The following ANKRD12 variants were observed in gnomAD, a reference collection of about 807,000 sequenced individuals.
ANKRD12 encodes the protein ankyrin repeat domain-containing protein 12.
A neutral mutation model predicts 183.4 loss-of-function variants in ANKRD12; 85 were observed. The observed-to-expected ratio is 0.46, with a 90% CI of 0.39 to 0.56. The LOEUF (loss-of-function observed/expected upper bound fraction) is 0.56. ANKRD12 is among the 20% of genes least tolerant of loss of function. The pLI, the probability that ANKRD12 is intolerant of heterozygous loss-of-function variation, is 0.00. For synonymous variants in ANKRD12, 914 were observed against 800.2 expected (o/e 1.14, Z -2.40); for missense variants, 2,405 against 2,357.1 (o/e 1.02, Z -0.42).
intron 2 of ANKRD12, among the ~76,000 whole-genome samples, chr18:9,183,544 A>G (rs2033845568): frequency 1.3e-5 from 2 of 152,224 alleles, no homozygotes; most frequent in African/African-American, 4.8e-5. Context: ...TAGTACAGAA[A>G]TATAATTGAT....
chr18:9,149,786 TTATTAAATTTTA>T (rs1195822050), intron 1 of ANKRD12, among the ~76,000 whole-genome samples: 1 of 144,950 alleles, frequency 6.9e-6, no homozygotes, highest in Non-Finnish European at 1.5e-5. Flanking sequence ...ATTTATTTAT[TTATTAAATTTTA>T]TTTTTTTTTT....
chr18:9,181,183 C>G (rs1261143838), intron 1 of ANKRD12, among the ~76,000 whole-genome samples: 4 of 152,018 alleles, frequency 2.6e-5, no homozygotes, highest in African/African-American at 9.7e-5. Context: ...AACCATTTTT[C>G]TTTGGTAGTT....
intron 1 of ANKRD12, among the ~76,000 whole-genome samples, chr18:9,140,337 T>A (rs1177519040): frequency 6.6e-6 from 1 of 152,228 alleles, no homozygotes; most frequent in African/African-American, 2.4e-5. Context: ...TGTTTTCATC[T>A]TCTGCTGTTT....
intron 8 of ANKRD12, among the ~76,000 whole-genome samples, chr18:9,232,706 C>A (rs940649820): frequency 6.6e-6 from 1 of 152,108 alleles, no homozygotes; most frequent in African/African-American, 2.4e-5. Flanking sequence ...GGTTTTTCAT[C>A]CCTTTTGTTC....
In ANKRD12 at chr18:9,257,493, G is replaced by A. The variant is rs761821634; in HGVS notation, c.4226G>A (p.Ser1409Asn). The change falls in exon 9 of 13, where the codon AGT becomes AAT. Residue 1409 changes from serine (S) to asparagine (N), a missense_variant. By Grantham distance (46) the Ser-to-Asn change is conservative. Transcript: ENST00000262126. ...MDSPVHLEPSSQVGVIQNKSW... is the reference protein window; with the variant it reads ...MDSPVHLEPSNQVGVIQNKSW... ...AGTCCAGTGCATTTAGAGCCATCTAGTCAGGTTGGTGTGATCCAGAATAAA... is the reference window on the plus strand; with the variant it reads ...AGTCCAGTGCATTTAGAGCCATCTAATCAGGTTGGTGTGATCCAGAATAAA... 18 of 1,614,104 alleles carry A rather than the reference G, an allele frequency of 1.1e-5. No homozygotes were observed. The highest frequency in any genetic ancestry group is 2.2e-5 in the South Asian group (2 of 91,082).
At chr18:9,215,468 C>T (rs546702719) in intron 6 of ANKRD12, among the ~76,000 whole-genome samples, 1 of 152,186 alleles carries the variant, frequency 6.6e-6, no homozygotes, top group Non-Finnish European at 1.5e-5. Context: ...TTAGTGTCCT[C>T]TGGCCTCCCA....
chr18:9,237,832 C>G (rs1239677299), intron 8 of ANKRD12, among the ~76,000 whole-genome samples: 1 of 152,122 alleles, frequency 6.6e-6, no homozygotes, highest in Non-Finnish European at 1.5e-5. Flanking sequence ...ATGGAAAGGT[C>G]AAAGTACAGT....
At chr18:9,236,451 A>G (rs1394957047) in intron 8 of ANKRD12, among the ~76,000 whole-genome samples, 3 of 152,224 alleles carry the variant, frequency 2.0e-5, no homozygotes, top group Non-Finnish European at 4.4e-5. Flanking sequence ...CAAGTACAGC[A>G]TAAAAATACT....
chr18:9,232,585 A>G (rs991660208), intron 8 of ANKRD12, among the ~76,000 whole-genome samples: 3 of 152,178 alleles, frequency 2.0e-5, no homozygotes, highest in East Asian at 1.9e-4. Context: ...CAGTTGGACT[A>G]TAATGTGCTG....
chr18:9,212,110 T>C (rs2035837085), intron 6 of ANKRD12, among the ~76,000 whole-genome samples: 1 of 152,124 alleles, frequency 6.6e-6, no homozygotes, highest in African/African-American at 2.4e-5. Context: ...ATAAGTATTT[T>C]AAGAACATTT....
chr18:9,265,523 T>C (rs1357701545), intron 10 of ANKRD12, among the ~76,000 whole-genome samples: 2 of 152,004 alleles, frequency 1.3e-5, no homozygotes, highest in African/African-American at 4.8e-5. Context: ...CGGTCTGGAG[T>C]GGGCCTCCAG....
chr18:9,233,136 G>A (rs1031356127), intron 8 of ANKRD12, among the ~76,000 whole-genome samples: 11 of 152,008 alleles, frequency 7.2e-5, no homozygotes, highest in African/African-American at 2.7e-4. Context: ...ACAGATGTGA[G>A]CCACTGTGCC....
At chr18:9,275,750 G>A (rs892279171) in intron 11 of ANKRD12, 83 bp downstream of exon 11, 24 of 1,305,608 alleles carry the variant, frequency 1.8e-5, no homozygotes, top group Non-Finnish European at 2.4e-5. Flanking sequence ...TCCATAGAAA[G>A]AACTTGAACT....
At chr18:9,162,680 A>G (rs914628596) in intron 1 of ANKRD12, among the ~76,000 whole-genome samples, 2 of 152,184 alleles carry the variant, frequency 1.3e-5, no homozygotes, top group African/African-American at 4.8e-5. Flanking sequence ...ACAGTGTAAA[A>G]GCATTTCTTT....
chr18:9,167,195 T>C (rs561539782), intron 1 of ANKRD12, among the ~76,000 whole-genome samples: 3 of 152,340 alleles, frequency 2.0e-5, no homozygotes, highest in East Asian at 3.9e-4. Context: ...GACTTGGCAA[T>C]GCGGGCTCTT....
chr18:9,137,530 G>A (rs2078155929), intron 1 of ANKRD12: 1 of 148,768 alleles, frequency 6.7e-6, no homozygotes, highest in Admixed American at 6.7e-5. Flanking sequence ...GCCGCCAGCC[G>A]CCGAGCGTGC....
intron 8 of ANKRD12, among the ~76,000 whole-genome samples, chr18:9,245,647 TCTC>T (rs2037920039): frequency 1.3e-5 from 2 of 152,200 alleles, no homozygotes; most frequent in South Asian, 4.1e-4. Flanking sequence ...TCAATTTTAA[TCTC>T]AGGTGAGTAT....
At chr18:9,247,061 GA>G (rs2145074613) in intron 8 of ANKRD12, among the ~76,000 whole-genome samples, 1 of 152,246 alleles carries the variant, frequency 6.6e-6, no homozygotes, top group East Asian at 1.9e-4. Context: ...CACCTATTTT[GA>G]AGTGTGCCAA....
At chr18:9,219,637 A>G (rs146547751) in intron 7 of ANKRD12, among the ~76,000 whole-genome samples, 86 of 152,186 alleles carry the variant, frequency 5.7e-4, no homozygotes, top group African/African-American at 1.9e-3. Flanking sequence ...TTAAAAATAT[A>G]AAAACTATTC....
Sources: allele counts gnomAD v4.1 joint callset (sites outside exome capture counted in the v4.1 genomes callset), GRCh38; gene constraint gnomAD v4.1.1; transcripts MANE v1.5; gene names NCBI Gene and HGNC (gene_info 2026-07-23, HGNC 2026-07-21).